EPHA6: variants seen among roughly 807,000 people sequenced by gnomAD.
EPHA6 encodes the protein ephrin type-A receptor 6.
In EPHA6, 50 loss-of-function variants were observed where a neutral mutation model predicts 112.0. The observed-to-expected ratio is 0.45, with a 90% CI of 0.36 to 0.56. The LOEUF is 0.56. Ranked by LOEUF, EPHA6 falls within the 20% of genes least tolerant of loss-of-function variation. The pLI, the probability that EPHA6 is intolerant of heterozygous loss-of-function variation, is 0.00. For synonymous variants in EPHA6, 529 were observed against 490.7 expected (o/e 1.08, Z -1.03); for missense variants, 1,280 against 1,417.4 (o/e 0.90, Z 1.56).
At chr3:97,574,298 G>C (rs372963450) in intron 11 of EPHA6, among the ~76,000 whole-genome samples, 3 of 152,090 alleles carry the variant, frequency 2.0e-5, no homozygotes, top group African/African-American at 7.2e-5. Flanking sequence ...TGTAATATGT[G>C]GTAGTTGAAT....
intron 5 of EPHA6, among the ~76,000 whole-genome samples, chr3:97,325,202 G>A (rs1419693997): frequency 6.6e-6 from 1 of 152,046 alleles, no homozygotes; most frequent in East Asian, 1.9e-4. Context: ...ACTTTGCTAG[G>A]GTTGCCGTAA....
At chr3:97,679,352 C>T (rs1387984322) in intron 14 of EPHA6, among the ~76,000 whole-genome samples, 1 of 152,136 alleles carries the variant, frequency 6.6e-6, no homozygotes. Flanking sequence ...GGAAGATAAT[C>T]ATGGAAAATT....
intron 5 of EPHA6, among the ~76,000 whole-genome samples, chr3:97,261,687 T>A (rs754783931): frequency 6.6e-6 from 1 of 152,162 alleles, no homozygotes; most frequent in Non-Finnish European, 1.5e-5. Flanking sequence ...TCTTTGGAGT[T>A]GCAAATGAAT....
At chr3:97,713,778 GAC>G (rs2107772101) in intron 14 of EPHA6, among the ~76,000 whole-genome samples, 1 of 152,294 alleles carries the variant, frequency 6.6e-6, no homozygotes, top group South Asian at 2.1e-4. Context: ...AAGCAATCCA[GAC>G]ACAATCCTTA....
intron 3 of EPHA6, among the ~76,000 whole-genome samples, chr3:97,027,815 T>C (rs2044694691): frequency 6.6e-6 from 1 of 152,214 alleles, no homozygotes; most frequent in Non-Finnish European, 1.5e-5. Context: ...GTAACTACTA[T>C]TAGGAAGTTG....
intron 3 of EPHA6, among the ~76,000 whole-genome samples, chr3:97,115,687 A>G (rs2047865692): frequency 6.6e-6 from 1 of 151,712 alleles, no homozygotes; most frequent in African/African-American, 2.4e-5. Context: ...GGAATCCATT[A>G]TATTTTATGT....
At chr3:96,870,612 C>T (rs1377942009) in intron 2 of EPHA6, among the ~76,000 whole-genome samples, 2 of 152,042 alleles carry the variant, frequency 1.3e-5, no homozygotes, top group African/African-American at 2.4e-5. Flanking sequence ...CATGTTGATA[C>T]ATAAAATTAA....
intron 13 of EPHA6, among the ~76,000 whole-genome samples, chr3:97,628,589 A>G (rs1464387159): frequency 6.6e-6 from 1 of 152,046 alleles, no homozygotes; most frequent in Non-Finnish European, 1.5e-5. Context: ...CAGGAATATG[A>G]CTATTGAAAT....
chr3:97,538,592 G>C (rs1467213518), intron 11 of EPHA6, among the ~76,000 whole-genome samples: 1 of 152,176 alleles, frequency 6.6e-6, no homozygotes, highest in Non-Finnish European at 1.5e-5. Flanking sequence ...GAAGATTGAG[G>C]AGAACTAGCA....
chr3:97,441,391 T>C (rs2090131948), intron 6 of EPHA6: 1 of 899,962 alleles, frequency 1.1e-6, no homozygotes, highest in Non-Finnish European at 1.3e-6. Flanking sequence ...CATAATTCAT[T>C]TCACATTTTA....
At chr3:97,121,097 A>G (rs985520823) in intron 3 of EPHA6, among the ~76,000 whole-genome samples, 3 of 152,000 alleles carry the variant, frequency 2.0e-5, no homozygotes, top group African/African-American at 7.2e-5. Flanking sequence ...AGATATACCA[A>G]TTTCTCTCTT....
intron 4 of EPHA6, among the ~76,000 whole-genome samples, chr3:97,234,480 T>C (rs1163279901): frequency 1.3e-5 from 2 of 152,182 alleles, no homozygotes; most frequent in African/African-American, 4.8e-5. Context: ...TTTTTACTAC[T>C]TCTAGTAAAC....
At chr3:97,708,494 G>A (rs996024672) in intron 14 of EPHA6, among the ~76,000 whole-genome samples, 2 of 152,240 alleles carry the variant, frequency 1.3e-5, no homozygotes, top group Non-Finnish European at 2.9e-5. Context: ...GGGAAGCAGA[G>A]TGTAAAAGTT....
At chr3:96,994,815 G>T (rs148834813) in intron 3 of EPHA6, among the ~76,000 whole-genome samples, 11,287 of 143,432 alleles carry the variant, frequency 0.079, 891 homozygotes, top group African/African-American at 0.21. Context: ...TATATATAGA[G>T]AGAGAGAGAG....
intron 3 of EPHA6, among the ~76,000 whole-genome samples, chr3:97,087,592 A>G (rs926833891): frequency 4.6e-5 from 7 of 152,184 alleles, no homozygotes; most frequent in African/African-American, 1.7e-4. Flanking sequence ...CAAAAGGTGC[A>G]CATTATTTTT....
intron 13 of EPHA6, among the ~76,000 whole-genome samples, chr3:97,630,989 T>C: frequency 6.6e-6 from 1 of 151,966 alleles, no homozygotes; most frequent in Admixed American, 6.6e-5. Flanking sequence ...GTTTCCATTT[T>C]CTCATTGGCA....
intron 14 of EPHA6, among the ~76,000 whole-genome samples, chr3:97,663,381 A>T (rs2094182715): frequency 6.6e-6 from 1 of 151,982 alleles, no homozygotes; most frequent in African/African-American, 2.4e-5. Flanking sequence ...CATGTGCACA[A>T]CGTGCAGGTT....
chr3:97,554,300 T>C (rs914385285), intron 11 of EPHA6, among the ~76,000 whole-genome samples: 1 of 152,160 alleles, frequency 6.6e-6, no homozygotes, highest in Non-Finnish European at 1.5e-5. Context: ...CTAACCCTTG[T>C]TAATAATTCA....
intron 11 of EPHA6, among the ~76,000 whole-genome samples, chr3:97,561,876 T>C (rs1394742531): frequency 6.6e-6 from 1 of 152,128 alleles, no homozygotes; most frequent in Admixed American, 6.6e-5. Flanking sequence ...TCATTTACCA[T>C]TCTGAAAATC....
Sources: allele counts gnomAD v4.1 joint callset (sites outside exome capture counted in the v4.1 genomes callset), GRCh38; gene constraint gnomAD v4.1.1; transcripts MANE v1.5; gene names NCBI Gene and HGNC (gene_info 2026-07-23, HGNC 2026-07-21).